ADAM18: variants seen among roughly 807,000 people sequenced by gnomAD.
The protein encoded by ADAM18 is ADAM metallopeptidase domain 18.
ADAM18 carries 117 observed loss-of-function variants against 94.4 expected under a neutral mutation model. That is an observed-to-expected ratio of 1.24 (90% CI 1.07 to 1.45). The LOEUF is 1.45. Among genes scored for constraint, ADAM18 ranks in the 40% most tolerant of loss-of-function variants. The probability of loss-of-function intolerance (pLI) is 0.00; values close to 1 mark genes in which losing one functional copy is unlikely to be tolerated. For synonymous variants in ADAM18, 327 were observed against 291.6 expected (o/e 1.12, Z -1.24); for missense variants, 936 against 880.0 (o/e 1.06, Z -0.81).
At chr8:39,705,299 T>C (rs943710788) in intron 17 of ADAM18, among the ~76,000 whole-genome samples, 1 of 152,174 alleles carries the variant, frequency 6.6e-6, no homozygotes, top group East Asian at 1.9e-4. Flanking sequence ...ACATTTTTCT[T>C]CATCTTTTGT....
chr8:39,612,314 G>A (rs1356340671), intron 6 of ADAM18, among the ~76,000 whole-genome samples: 1 of 152,130 alleles, frequency 6.6e-6, no homozygotes, highest in Admixed American at 6.5e-5. Flanking sequence ...GGAAGCTGGG[G>A]ACCCTGCACA....
At chr8:39,629,562 G>A in intron 7 of ADAM18, 123 bp downstream of exon 7, 1 of 619,060 alleles carries the variant, frequency 1.6e-6, no homozygotes, top group Non-Finnish European at 2.7e-6. Flanking sequence ...TTCCTCCATT[G>A]TCTCCTTATT....
chr8:39,649,350 T>G (rs10110653), intron 12 of ADAM18, among the ~76,000 whole-genome samples: 1 of 151,876 alleles, frequency 6.6e-6, no homozygotes, highest in Non-Finnish European at 1.5e-5. Context: ...AAATGTATGT[T>G]GTACATATAT....
intron 2 of ADAM18, among the ~76,000 whole-genome samples, chr8:39,605,257 C>T (rs1386654223): frequency 6.6e-6 from 1 of 152,150 alleles, no homozygotes; most frequent in Non-Finnish European, 1.5e-5. Flanking sequence ...TAGGATAGAC[C>T]TCTGTCTGCA....
chr8:39,705,290 C>T (rs770542863), intron 17 of ADAM18, among the ~76,000 whole-genome samples: 2 of 152,120 alleles, frequency 1.3e-5, no homozygotes, highest in Non-Finnish European at 2.9e-5. Context: ...CAAAATATCA[C>T]ATTTTTCTTC....
At chr8:39,605,201 C>T (rs938858225) in intron 2 of ADAM18, among the ~76,000 whole-genome samples, 2 of 152,176 alleles carry the variant, frequency 1.3e-5, no homozygotes, top group Admixed American at 1.3e-4. Flanking sequence ...AAATTAGAGA[C>T]TTCTCTTGAC....
Position 39,712,069 on chromosome 8 carries a change from T to C in ADAM18, c.2017+5165T>C, listed in dbSNP as rs558252368. Among the ~76,000 whole-genome samples, 20 of 97,646 alleles carry C rather than the reference T, an allele frequency of 2.0e-4. No homozygotes were observed. The South Asian group carries it at 2.2e-3, about 11-fold the overall frequency. The allele number at this position is 97,646 out of a possible 152,430, so 64.1% of individuals were successfully genotyped here. On this transcript the variant is annotated intron_variant, in intron 18 of 19. Coordinates refer to ENST00000265707, the MANE Select transcript of ADAM18 (RefSeq NM_014237.3). ...GAAAAAAACAGTGAAAGATAAAAGA[T>C]AAGAAAAACAAGGGCAATAAATAGC...
intron 17 of ADAM18, among the ~76,000 whole-genome samples, chr8:39,693,970 A>T (rs770670620): frequency 1.3e-5 from 2 of 151,246 alleles, no homozygotes; most frequent in Non-Finnish European, 3.0e-5. Flanking sequence ...ACCATTATTC[A>T]TGAAATGTTG....
chr8:39,673,949 A>G (rs1821226748), intron 14 of ADAM18, among the ~76,000 whole-genome samples: 1 of 152,126 alleles, frequency 6.6e-6, no homozygotes, highest in African/African-American at 2.4e-5. Flanking sequence ...GAGTTTCTTA[A>G]TCTTGAGTTC....
chr8:39,603,981 A>T (rs1818985623), intron 2 of ADAM18, among the ~76,000 whole-genome samples: 1 of 152,204 alleles, frequency 6.6e-6, no homozygotes, highest in Non-Finnish European at 1.5e-5. Context: ...CTTATTCAGG[A>T]TAATGATTTA....
intron 2 of ADAM18, among the ~76,000 whole-genome samples, chr8:39,595,193 G>T (rs1818705288): frequency 1.3e-5 from 2 of 152,090 alleles, no homozygotes; most frequent in Admixed American, 1.3e-4. Flanking sequence ...TGCTGTGGTT[G>T]AGCCCTTCCA....
At chr8:39,607,351 C>G (rs998731186) in intron 3 of ADAM18, among the ~76,000 whole-genome samples, 3 of 152,198 alleles carry the variant, frequency 2.0e-5, no homozygotes, top group Non-Finnish European at 2.9e-5. Context: ...GTAGCCTCTT[C>G]TCTGTCTGCA....
intron 12 of ADAM18, among the ~76,000 whole-genome samples, chr8:39,653,061 A>G (rs1484618436): frequency 6.6e-6 from 1 of 152,150 alleles, no homozygotes; most frequent in Non-Finnish European, 1.5e-5. Flanking sequence ...AGGATACAGA[A>G]TTTAAATGAG....
chr8:39,706,406 G>A lies in ADAM18; in HGVS notation c.1903-384G>A, dbSNP rs910553916. Among the ~76,000 whole-genome samples, 10 of 152,120 alleles carry A rather than the reference G, an allele frequency of 6.6e-5. No homozygotes were observed. The South Asian group carries it at 2.1e-3, about 31-fold the overall frequency. Reference sequence around the variant, plus strand: ...CACAATGCTTTCTATAGACATTGAAGTGCATGAATAGAAAATGTCCAAATA... The same window carrying A: ...CACAATGCTTTCTATAGACATTGAAATGCATGAATAGAAAATGTCCAAATA... On this transcript the variant is annotated intron_variant, in intron 17 of 19. Coordinates refer to ENST00000265707, the MANE Select transcript of ADAM18 (RefSeq NM_014237.3).
intron 14 of ADAM18, among the ~76,000 whole-genome samples, chr8:39,676,288 G>T (rs960115793): frequency 1.3e-5 from 2 of 152,218 alleles, no homozygotes; most frequent in African/African-American, 4.8e-5. Flanking sequence ...TTGTTGAGCT[G>T]CAGTGGACTC....
chr8:39,619,965 TA>T (rs1819559657), intron 6 of ADAM18, among the ~76,000 whole-genome samples: 1 of 152,008 alleles, frequency 6.6e-6, no homozygotes, highest in African/African-American at 2.4e-5. Flanking sequence ...AAATATACTA[TA>T]AAGCTATAGT....
At chr8:39,605,952 G>A (rs1441147786) in intron 2 of ADAM18, among the ~76,000 whole-genome samples, 1 of 152,016 alleles carries the variant, frequency 6.6e-6, no homozygotes, top group Non-Finnish European at 1.5e-5. Context: ...GAGAACATGT[G>A]ATGTTTGGTT....
intron 6 of ADAM18, among the ~76,000 whole-genome samples, chr8:39,625,992 A>G (rs995513190): frequency 6.6e-6 from 1 of 152,094 alleles, no homozygotes; most frequent in Non-Finnish European, 1.5e-5. Context: ...CAGCATTGGT[A>G]TCAATTGTTG....
In ADAM18 at chr8:39,682,310, T is replaced by C. The variant is rs868387913; in HGVS notation, c.1821+2084T>C. The stretch of plus-strand genomic sequence containing the variant: ...ATTTGTGAGCATGTCTTTTGTTTAA[T>C]GTAATAAATGCCAAAGAGATTCACG... On this transcript the variant is annotated intron_variant, in intron 16 of 19. Transcript: ENST00000265707. 8.1e-4 allele frequency among the ~76,000 whole-genome samples: 123 copies of C among 152,330 alleles called. 1 individual carries two copies. Among genetic ancestry groups the C allele is most frequent in the African/African-American group, 2.8e-3 (118 of 41,580 alleles).
Sources: gnomAD v4.1 joint callset for allele counts (sites outside exome capture counted in the v4.1 genomes callset) on GRCh38, gnomAD v4.1.1 for gene constraint, MANE v1.5 for transcripts, NCBI Gene and HGNC (gene_info 2026-07-23, HGNC 2026-07-21) for gene names.